The following USP32 variants were observed in gnomAD, a reference collection of about 807,000 sequenced individuals.
USP32 encodes the protein ubiquitin carboxyl-terminal hydrolase 32.
A neutral mutation model predicts 204.8 loss-of-function variants in USP32; 59 were observed. That is an observed-to-expected ratio of 0.29 (90% CI 0.23 to 0.36). The LOEUF is 0.36. Among genes scored for constraint, USP32 ranks in the 10% least tolerant of loss-of-function variants. The probability of loss-of-function intolerance (pLI) is 1.00; values close to 1 mark genes in which losing one functional copy is unlikely to be tolerated. For missense variants in USP32, 1,160 were observed against 1,946.4 expected (o/e 0.60, Z 7.60); for synonymous variants, 517 against 678.4 (o/e 0.76, Z 3.70).
intron 26 of USP32, among the ~76,000 whole-genome samples, chr17:60,200,267 A>AG (rs1327119310): frequency 2.6e-5 from 4 of 151,972 alleles, no homozygotes; most frequent in African/African-American, 9.7e-5. Flanking sequence ...CAGAGGTAAA[A>AG]GGGTACATTT....
At chr17:60,230,121 A>G (rs982767102) in intron 12 of USP32, among the ~76,000 whole-genome samples, 6 of 152,178 alleles carry the variant, frequency 3.9e-5, no homozygotes, top group African/African-American at 1.4e-4. Context: ...ACCACAAATT[A>G]CTTTCTAAAA....
At chr17:60,283,821 T>A (rs2087035640) in intron 5 of USP32, among the ~76,000 whole-genome samples, 1 of 152,106 alleles carries the variant, frequency 6.6e-6, no homozygotes, top group South Asian at 2.1e-4. Flanking sequence ...GCAGAAAAGT[T>A]CATCTAGGTA....
intron 1 of USP32, among the ~76,000 whole-genome samples, chr17:60,397,653 AC>A (rs1189199012): frequency 1.3e-5 from 2 of 151,986 alleles, no homozygotes; most frequent in Non-Finnish European, 2.9e-5. Context: ...ATGCATAGTC[AC>A]CCCACTACCT....
chr17:60,349,199 A>G, intron 1 of USP32, among the ~76,000 whole-genome samples: 1 of 151,074 alleles, frequency 6.6e-6, no homozygotes, highest in East Asian at 1.9e-4. Flanking sequence ...TTAATCTAAT[A>G]GACTACCTGT....
At chr17:60,373,168 G>A (rs2089474637) in intron 1 of USP32, among the ~76,000 whole-genome samples, 1 of 152,170 alleles carries the variant, frequency 6.6e-6, no homozygotes, top group African/African-American at 2.4e-5. Flanking sequence ...AATCTACCCT[G>A]GGTGACTGAA....
At chr17:60,402,371 C>T (rs537236457) in intron 1 of USP32, among the ~76,000 whole-genome samples, 1 of 151,806 alleles carries the variant, frequency 6.6e-6, no homozygotes, top group South Asian at 2.1e-4. Context: ...CCACCTCAGC[C>T]TCCTGAGTAG....
At chr17:60,417,205 A>T (rs961969029) in intron 1 of USP32, among the ~76,000 whole-genome samples, 2 of 152,074 alleles carry the variant, frequency 1.3e-5, no homozygotes, top group African/African-American at 2.4e-5. Flanking sequence ...GGTGTGAACC[A>T]CTGTGCCCAG....
At chr17:60,387,972 CG>C (rs1427637546) in intron 1 of USP32, among the ~76,000 whole-genome samples, 3 of 152,016 alleles carry the variant, frequency 2.0e-5, no homozygotes, top group African/African-American at 7.3e-5. Flanking sequence ...AATTGTAAGT[CG>C]GGGATTGTCT....
At chr17:60,187,223 T>C (rs1007523974) in intron 29 of USP32, among the ~76,000 whole-genome samples, 1 of 152,228 alleles carries the variant, frequency 6.6e-6, no homozygotes, top group Non-Finnish European at 1.5e-5. Flanking sequence ...TCTCAAATGC[T>C]GCTATAAACT....
intron 1 of USP32, among the ~76,000 whole-genome samples, chr17:60,350,187 A>T (rs1167808541): frequency 6.6e-6 from 1 of 151,772 alleles, no homozygotes; most frequent in African/African-American, 2.4e-5. Context: ...TAATTTTTTG[A>T]ATTTTTAAAT....
chr17:60,201,075 C>A (rs1218310344), intron 26 of USP32, among the ~76,000 whole-genome samples: 1 of 152,082 alleles, frequency 6.6e-6, no homozygotes, highest in African/African-American at 2.4e-5. Flanking sequence ...CCAGGCTGGT[C>A]TTAAACTCCT....
intron 12 of USP32, among the ~76,000 whole-genome samples, chr17:60,227,037 C>CAA (rs58720440): frequency 2.1e-3 from 125 of 60,752 alleles, no homozygotes; most frequent in African/African-American, 4.4e-3. Flanking sequence ...GACTCTGTCT[C>CAA]AAAAAAAAAA....
At chr17:60,393,369 C>T (rs1354627500), upstream of USP32, among the ~76,000 whole-genome samples, 1 of 152,132 alleles carries the variant, frequency 6.6e-6, no homozygotes, top group Non-Finnish European at 1.5e-5. Flanking sequence ...TTTATAGCAG[C>T]ATTATTCACG....
In USP32 at chr17:60,301,469, G is replaced by T. The variant is rs145720299; in HGVS notation, c.292+130C>A. ...GACTAATTATGTTGCACATTTTTTA[G>T]GTGTTTATTTACCACTTGTATATCT... On this transcript the variant is annotated intron_variant, in intron 3 of 33. Transcript: ENST00000300896. 1,603 of 538,238 alleles carry T rather than the reference G, an allele frequency of 3.0e-3. 5 individuals carry two copies. Among genetic ancestry groups the T allele is most frequent in the Non-Finnish European group, 4.2e-3 (1,302 of 312,730 alleles). The allele number at this position is 538,238 out of a possible 1,614,324, so 33.3% of individuals were successfully genotyped here. A position where few individuals can be genotyped will look rare whatever the true frequency, so the allele number is the denominator to read the frequency against.
chr17:60,226,066 A>G lies in USP32; in HGVS notation c.1405T>C (p.Ser469Pro). ...EKFSDNISTA[S>P]EASETAGSGF... is the part of the protein sequence containing the mutation. ...CTGCCAGCAGTTTCTGAGGCTTCAGATGCAGTAGAAATGTTGTCTGAAAAT... is the reference window on the plus strand; with the variant it reads ...CTGCCAGCAGTTTCTGAGGCTTCAGGTGCAGTAGAAATGTTGTCTGAAAAT... The change falls in exon 13 of 34, where the codon TCT (serine) becomes CCT (proline). Residue 469 changes from serine (S) to proline (P), a missense_variant. Ser to Pro is a moderately conservative substitution (Grantham distance 74, BLOSUM62 -1). Around this residue, in one of 8 missense-constraint regions of USP32, gnomAD observed 536 missense variants for 680.9 expected, o/e 0.79. Coordinates refer to ENST00000300896, the MANE Select transcript of USP32 (RefSeq NM_032582.4). The G allele has an allele frequency of 6.2e-7, 1 of 1,605,128 alleles. No homozygotes were observed.
chr17:60,326,458 C>G (rs1598248797), intron 2 of USP32, among the ~76,000 whole-genome samples: 1 of 152,012 alleles, frequency 6.6e-6, no homozygotes. Context: ...TTACAGGCAC[C>G]GACAACCATG....
At chr17:60,414,622 T>C (rs1021146163) in intron 1 of USP32, among the ~76,000 whole-genome samples, 2 of 151,102 alleles carry the variant, frequency 1.3e-5, no homozygotes, top group Admixed American at 6.6e-5. Context: ...AGAGACGGGG[T>C]TTTGCCATGT....
intron 1 of USP32, among the ~76,000 whole-genome samples, chr17:60,413,726 A>T (rs929897628): frequency 6.6e-6 from 1 of 151,906 alleles, no homozygotes; most frequent in Admixed American, 6.6e-5. Flanking sequence ...TCAGCTGGGC[A>T]TGGCAGCGTG....
chr17:60,355,887 TAAAA>T (rs58715953), intron 1 of USP32, among the ~76,000 whole-genome samples: 26 of 51,500 alleles, frequency 5.0e-4, no homozygotes, highest in African/African-American at 1.7e-3. Context: ...TGAACCTCTG[TAAAA>T]AAAAAAAAAA....
Sources: allele counts gnomAD v4.1 joint callset (sites outside exome capture counted in the v4.1 genomes callset), GRCh38; gene constraint gnomAD v4.1.1; regional missense constraint gnomAD v4.1.1; transcripts MANE v1.5; gene names NCBI Gene and HGNC (gene_info 2026-07-23, HGNC 2026-07-21).